The following SELENOV variants were observed in gnomAD, a reference collection of about 807,000 sequenced individuals.
The protein encoded by SELENOV is selenoprotein V.
A neutral mutation model predicts 21.6 loss-of-function variants in SELENOV; 25 were observed. The ratio of observed to expected loss-of-function variants is 1.16; its 90% CI spans 0.84 to 1.62. The LOEUF is 1.62. Ranked by LOEUF, SELENOV falls within the 40% of genes most tolerant of loss-of-function variation. The probability of loss-of-function intolerance (pLI) is 0.00; values close to 1 mark genes in which losing one functional copy is unlikely to be tolerated. For synonymous variants in SELENOV, 227 were observed against 216.9 expected (o/e 1.05, Z -0.41); for missense variants, 472 against 459.0 (o/e 1.03, Z -0.26).
At chr19:39,518,179 G>A (rs2079707873) in intron 1 of SELENOV, among the ~76,000 whole-genome samples, 1 of 150,710 alleles carries the variant, frequency 6.6e-6, no homozygotes, top group South Asian at 2.1e-4. Flanking sequence ...GCTGAGGCAG[G>A]AGAATGGCGT....
chr19:39,515,884 C>A lies in SELENOV; in HGVS notation c.672C>A (p.Pro224=), dbSNP rs1397872309. The A allele has an allele frequency of 6.4e-6, 10 of 1,567,184 alleles. No homozygotes were observed. Among genetic ancestry groups the A allele is most frequent in the Admixed American group, 1.9e-5 (1 of 53,304 alleles). The change falls in exon 1 of 6, where the codon CCC becomes CCA. Residue 224 remains proline, a synonymous_variant. Transcript: ENST00000335426. This position sits in a 1 kb window ranked among gnomAD's most constrained non-coding sequence, Gnocchi z 5.1. ...CGGCCATCGGGCTGGCGGATCCCCC[C>A]ATTCCCAGTCCTGTCCCCTCGCCCA...
At chr19:39,518,226 G>A (rs1036191567) in intron 1 of SELENOV, among the ~76,000 whole-genome samples, 1 of 150,272 alleles carries the variant, frequency 6.7e-6, no homozygotes, top group Non-Finnish European at 1.5e-5. Context: ...AGCTGAGATC[G>A]CGCCATTGCA....
Position 39,515,138 on chromosome 19 carries a change from G to A in SELENOV, c.-75G>A, listed in dbSNP as rs1397318034. On this transcript the variant is annotated 5_prime_UTR_variant, in exon 1 of 6. Transcript: ENST00000335426. The surrounding 1 kb of genome is among the most constrained non-coding windows in gnomAD (Gnocchi z 5.1). ...CGCCGCGTCTCAGAACCCGGTGCGGGAGACGCTCTCCCCGCCCAAAGAGGG... is the reference window on the plus strand; with the variant it reads ...CGCCGCGTCTCAGAACCCGGTGCGGAAGACGCTCTCCCCGCCCAAAGAGGG... 2 of 922,242 alleles carry A rather than the reference G, an allele frequency of 2.2e-6. No homozygotes were observed. The highest frequency in any genetic ancestry group is 3.3e-5 in the African/African-American group (2 of 59,782). 57.1% of individuals were successfully genotyped at this position (922,242 alleles called of 1,614,324 possible).
In SELENOV at chr19:39,515,378, G is replaced by A. The variant is rs1236717700; in HGVS notation, c.166G>A (p.Gly56Arg). 1 of 1,551,392 alleles carries A rather than the reference G, an allele frequency of 6.4e-7. No homozygotes were observed. Among genetic ancestry groups the A allele is most frequent in the African/African-American group, 1.4e-5 (1 of 73,066 alleles). Residue 56 changes from glycine to arginine, a missense_variant, in exon 1 of 6, where the codon GGG (glycine) becomes AGG (arginine). Transcript: ENST00000335426. This position sits in a 1 kb window ranked among gnomAD's most constrained non-coding sequence, Gnocchi z 5.1. ...TCCAGTCCTGACTCCGTCTCCAGCC[G>A]GGACTTCCCCTCTGGTCCTGACTCC...
Position 39,515,502 on chromosome 19 carries a change from T to C in SELENOV, c.290T>C (p.Val97Ala). ...GCTCCGGCCTGGATCCCTACTCCGGTGCCGACTCCCGTTCCCGTCCGGAAC... is the reference window on the plus strand; with the variant it reads ...GCTCCGGCCTGGATCCCTACTCCGGCGCCGACTCCCGTTCCCGTCCGGAAC... The change falls in exon 1 of 6, where the codon GTG (valine) becomes GCG (alanine). Residue 97 changes from valine to alanine, a missense_variant. Transcript: ENST00000335426. The surrounding 1 kb of genome is among the most constrained non-coding windows in gnomAD (Gnocchi z 5.1). 1 of 1,550,908 alleles carries C rather than the reference T, an allele frequency of 6.4e-7. No homozygotes were observed. Among genetic ancestry groups the C allele is most frequent in the Non-Finnish European group, 8.7e-7 (1 of 1,146,850 alleles).
chr19:39,519,487 A>AAAG (rs538702161), intron 5 of SELENOV, among the ~76,000 whole-genome samples: 2,363 of 151,276 alleles, frequency 0.016, 76 homozygotes, highest in African/African-American at 0.055. Context: ...TCTCTACAAA[A>AAAG]AATAATAAAT....
At chr19:39,519,294 C>T (rs921382796) in intron 5 of SELENOV, 124 bp downstream of exon 5, 7 of 693,414 alleles carry the variant, frequency 1.0e-5, no homozygotes, top group Admixed American at 2.3e-5. Flanking sequence ...CATGACAAGT[C>T]ACCTACATTC....
chr19:39,517,238 T>C (rs1365345784), intron 1 of SELENOV, among the ~76,000 whole-genome samples: 1 of 152,118 alleles, frequency 6.6e-6, no homozygotes, highest in Non-Finnish European at 1.5e-5. Context: ...TCTTTCTTTC[T>C]CTCCATCTTA....
At chr19:39,516,090 G>T (rs1308527908) in intron 1 of SELENOV, 69 bp downstream of exon 1, 1 of 1,364,060 alleles carries the variant, frequency 7.3e-7, no homozygotes, top group Non-Finnish European at 1.0e-6. Context: ...GGGTCTCCGG[G>T]GACGTGGAGG....
rs760333622 is a variant in SELENOV at position 39,518,884 on chromosome 19, G to A, written c.889-19G>A. ...GAGGAGAGAGCTTAGCCTCCCCTACGCTCACCATTTCCTCCCAGGAGGAGG... is the reference window on the plus strand; with the variant it reads ...GAGGAGAGAGCTTAGCCTCCCCTACACTCACCATTTCCTCCCAGGAGGAGG... On this transcript the variant is annotated intron_variant, in intron 3 of 5. Coordinates refer to ENST00000335426, the Ensembl canonical transcript of SELENOV. The A allele has an allele frequency of 9.6e-5, 155 of 1,613,638 alleles. No homozygotes were observed. The highest frequency in any genetic ancestry group is 1.2e-4 in the Non-Finnish European group (143 of 1,179,774).
intron 1 of SELENOV, 107 bp from the exon 2 acceptor site, chr19:39,518,501 A>G: frequency 1.8e-6 from 2 of 1,092,978 alleles, no homozygotes; most frequent in Non-Finnish European, 2.7e-6. Context: ...GGGGAGGAAC[A>G]TGATCTAACT....
chr19:39,517,478 G>A (rs8102247), intron 1 of SELENOV, among the ~76,000 whole-genome samples: 88,636 of 151,808 alleles, frequency 0.58, 26,109 homozygotes, highest in Middle Eastern at 0.65. Context: ...GAGGTGATCC[G>A]TACTGTGAAC....
chr19:39,519,964 C>CAAAAAAA (rs5828040), intron 5 of SELENOV, among the ~76,000 whole-genome samples, 182 bp from the exon 6 acceptor site: 2 of 76,928 alleles, frequency 2.6e-5, no homozygotes, highest in Admixed American at 1.7e-4. Flanking sequence ...GACTCTGTCT[C>CAAAAAAA]AAAAAAAAAA....
In SELENOV at chr19:39,515,173, G is replaced by A. The variant is rs748862322; in HGVS notation, c.-40G>A. 24 of 1,245,714 alleles carry A rather than the reference G, an allele frequency of 1.9e-5. No homozygotes were observed. The African/African-American group carries it at 2.7e-4, about 14-fold the overall frequency. 77.2% of individuals were successfully genotyped at this position (1,245,714 alleles called of 1,614,324 possible). A position where few individuals can be genotyped will look rare whatever the true frequency, so the allele number is the denominator to read the frequency against. ...CCCCGCCCAAAGAGGGAAGGCGGGC[G>A]GGACTCCCCAACCGGCTTGCCCCGG... On this transcript the variant is annotated 5_prime_UTR_variant, in exon 1 of 6. Coordinates refer to ENST00000335426, the Ensembl canonical transcript of SELENOV. This position sits in a 1 kb window ranked among gnomAD's most constrained non-coding sequence, Gnocchi z 5.1.
chr19:39,519,093 A>C, exon 5 of SELENOV: 1 of 1,613,784 alleles, frequency 6.2e-7, no homozygotes, highest in Middle Eastern at 1.6e-4. Flanking sequence ...TTTGTGAACG[A>C]GTCCAGGCTG....
intron 1 of SELENOV, among the ~76,000 whole-genome samples, chr19:39,516,947 T>C (rs2079700166): frequency 6.6e-6 from 1 of 152,136 alleles, no homozygotes; most frequent in South Asian, 2.1e-4. Context: ...TCCACCCACC[T>C]TGGCCTCCCA....
At chr19:39,516,858 G>C (rs1315623545) in intron 1 of SELENOV, among the ~76,000 whole-genome samples, 2 of 147,152 alleles carry the variant, frequency 1.4e-5, no homozygotes, top group Non-Finnish European at 3.0e-5. Flanking sequence ...ACCACGCCCG[G>C]CTAATTTTGT....
In SELENOV at chr19:39,515,138, G is replaced by T; in HGVS notation, c.-75G>T. On this transcript the variant is annotated 5_prime_UTR_variant, in exon 1 of 6. Transcript: ENST00000335426. This position sits in a 1 kb window ranked among gnomAD's most constrained non-coding sequence, Gnocchi z 5.1. ...CGCCGCGTCTCAGAACCCGGTGCGG[G>T]AGACGCTCTCCCCGCCCAAAGAGGG... 1.1e-6 allele frequency: 1 copy of T among 922,360 alleles called. No individual in the cohort carries two copies. Among genetic ancestry groups the T allele is most frequent in the African/African-American group, 1.7e-5 (1 of 59,904 alleles). The allele number at this position is 922,360 out of a possible 1,614,324, so 57.1% of individuals were successfully genotyped here.
rs374863818 is a variant in SELENOV, at chr19:39,517,991, A to AAAAAAAAAAAAAAG, written c.810-617_810-616insAAAAAAAAAAAAAG. Among the ~76,000 whole-genome samples, 226 of 92,054 alleles carry AAAAAAAAAAAAAAG rather than the reference A, an allele frequency of 2.5e-3. 31 individuals carry two copies. Among genetic ancestry groups the AAAAAAAAAAAAAAG allele is most frequent in the East Asian group, 3.1e-3 (8 of 2,588 alleles). 60.4% of individuals were successfully genotyped at this position (92,054 alleles called of 152,430 possible). On this transcript the variant is annotated intron_variant, in intron 1 of 5. Transcript: ENST00000335426. ...AAAAAAAAAAAAAAAAAAAAAAAAAAGCCCAGCGCGGTGGCTCACGCCTGT... is the reference window on the plus strand; with the variant it reads ...AAAAAAAAAAAAAAAAAAAAAAAAAAAAAAAAAAAAAAAGGCCCAGCGCGGTGGCTCACGCCTGT...
Sources: gnomAD v4.1 joint callset for allele counts (sites outside exome capture counted in the v4.1 genomes callset) on GRCh38, gnomAD v4.1.1 for gene constraint, Gnocchi (gnomAD v3.1) non-coding constraint, MANE v1.5 for transcripts, NCBI Gene and HGNC (gene_info 2026-07-23, HGNC 2026-07-21) for gene names.